Variants in CUX2 observed in about 807,000 individuals in gnomAD.
The protein encoded by CUX2 is homeobox protein cut-like 2.
In CUX2, 40 loss-of-function variants were observed where a neutral mutation model predicts 144.8. That is an observed-to-expected ratio of 0.28 (90% CI 0.21 to 0.36). The LOEUF is 0.36. Ranked by LOEUF, CUX2 falls within the 10% of genes least tolerant of loss-of-function variation. The pLI, the probability that CUX2 is intolerant of heterozygous loss-of-function variation, is 1.00. For synonymous variants in CUX2, 827 were observed against 875.6 expected (o/e 0.94, Z 0.98); for missense variants, 1,615 against 1,994.0 (o/e 0.81, Z 3.62).
Position 111,293,914 on chromosome 12 carries a change from A to G in CUX2, c.560+345A>G, listed in dbSNP as rs1421590786. 6.6e-6 allele frequency among the ~76,000 whole-genome samples: 1 copy of G among 152,260 alleles called. No individual in the cohort carries two copies. Among genetic ancestry groups the G allele is most frequent in the East Asian group, 1.9e-4 (1 of 5,202 alleles). ...GACATGTATTCCTAGGACTTAGCTT[A>G]TGCAGTTGTGGGAGCTGCCAGGTGC... On this transcript the variant is annotated intron_variant, in intron 6 of 21. Coordinates refer to ENST00000261726, the MANE Select transcript of CUX2 (RefSeq NM_015267.4). This position sits in a 1 kb window ranked among gnomAD's most constrained non-coding sequence, Gnocchi z 4.5.
Position 111,061,388 on chromosome 12 carries a change from A to C in CUX2, c.63+27148A>C, listed in dbSNP as rs1225276563. 2.0e-5 allele frequency among the ~76,000 whole-genome samples: 3 copies of C among 152,298 alleles called. No individual in the cohort carries two copies. The East Asian group carries it at 5.8e-4, about 29-fold the overall frequency. On this transcript the variant is annotated intron_variant, in intron 1 of 21. Transcript: ENST00000261726. The surrounding 1 kb of genome is among the most constrained non-coding windows in gnomAD (Gnocchi z 4.2). Reference sequence around the variant, plus strand: ...CGGGATGGGGGAGGAGGAGGGAAGCATGGGCTGTAGAAGGGTTTTCGGGGA... The same window carrying C: ...CGGGATGGGGGAGGAGGAGGGAAGCCTGGGCTGTAGAAGGGTTTTCGGGGA...
chr12:111,271,903 TC>T (rs1285168688), intron 4 of CUX2, among the ~76,000 whole-genome samples: 1 of 152,214 alleles, frequency 6.6e-6, no homozygotes, highest in African/African-American at 2.4e-5. Flanking sequence ...TCATATATTC[TC>T]CCCTGGTTTG....
rs1163815656 is a variant in CUX2, at chr12:111,289,180, C to G, written c.302-2238C>G. Among the ~76,000 whole-genome samples the G allele has an allele frequency of 6.6e-6, 1 of 152,068 alleles. No individual in the cohort carries two copies. The highest frequency in any genetic ancestry group is 1.9e-4 in the East Asian group (1 of 5,198). On this transcript the variant is annotated intron_variant, in intron 4 of 21. Coordinates refer to ENST00000261726, the MANE Select transcript of CUX2 (RefSeq NM_015267.4). This position sits in a 1 kb window ranked among gnomAD's most constrained non-coding sequence, Gnocchi z 4.1. The stretch of plus-strand genomic sequence containing the variant: ...GGGGAGAGACCAGGAAGAGACAGGG[C>G]TTCCATGCATTAGAAAGAACTGAAC...
intron 3 of CUX2, among the ~76,000 whole-genome samples, chr12:111,227,507 T>C (rs1052618378): frequency 2.6e-5 from 4 of 152,194 alleles, no homozygotes; most frequent in African/African-American, 9.7e-5. Context: ...TGCTACCAGC[T>C]GAGCTCTGGA....
intron 3 of CUX2, among the ~76,000 whole-genome samples, chr12:111,257,065 G>C (rs551975865): frequency 6.6e-6 from 1 of 152,090 alleles, no homozygotes; most frequent in South Asian, 2.1e-4. Context: ...GTTCATCCTC[G>C]GGGGACTAAA....
intron 3 of CUX2, among the ~76,000 whole-genome samples, chr12:111,260,314 A>G (rs1884048996): frequency 6.6e-6 from 1 of 151,534 alleles, no homozygotes; most frequent in African/African-American, 2.4e-5. Flanking sequence ...AATACAAAAA[A>G]TTAGCCAGGC....
At chr12:111,239,115 G>A (rs1882898531) in intron 3 of CUX2, among the ~76,000 whole-genome samples, 1 of 152,056 alleles carries the variant, frequency 6.6e-6, no homozygotes, top group South Asian at 2.1e-4. Context: ...CTCAAACGTT[G>A]GCCAAGATCA....
intron 1 of CUX2, among the ~76,000 whole-genome samples, chr12:111,082,309 T>G (rs1422762180): frequency 6.6e-6 from 1 of 151,940 alleles, no homozygotes; most frequent in African/African-American, 2.4e-5. Flanking sequence ...CACAATATAT[T>G]GGAAGGAATA....
chr12:111,088,842 C>T (rs966205260), intron 1 of CUX2, among the ~76,000 whole-genome samples: 6 of 152,172 alleles, frequency 3.9e-5, no homozygotes, highest in Non-Finnish European at 7.4e-5. Flanking sequence ...GATGTCCGAC[C>T]GGGCAGCTGG....
intron 12 of CUX2, 92 bp from the exon 13 acceptor site, chr12:111,308,192 TC>T: frequency 7.3e-7 from 1 of 1,377,912 alleles, no homozygotes; most frequent in East Asian, 2.3e-5. Context: ...GCAGTCATTG[TC>T]AGGGAGGTAA....
At chr12:111,330,730 T>TACAC (rs1565926325) in intron 18 of CUX2, among the ~76,000 whole-genome samples, 1 of 51,586 alleles carries the variant, frequency 1.9e-5, no homozygotes, top group African/African-American at 7.5e-5. Context: ...TATATATATA[T>TACAC]ATATATATAT....
At chr12:111,079,160 C>A (rs1871716073) in intron 1 of CUX2, among the ~76,000 whole-genome samples, 1 of 152,212 alleles carries the variant, frequency 6.6e-6, no homozygotes, top group Non-Finnish European at 1.5e-5. Flanking sequence ...GACAAATTGT[C>A]ATTCACACGT....
chr12:111,049,323 A>T (rs1870154093), intron 1 of CUX2, among the ~76,000 whole-genome samples: 1 of 152,104 alleles, frequency 6.6e-6, no homozygotes, highest in Admixed American at 6.6e-5. Flanking sequence ...TCATCCACCC[A>T]TCCACATATT....
At chr12:111,276,392 G>C (rs953511722) in intron 4 of CUX2, among the ~76,000 whole-genome samples, 5 of 152,146 alleles carry the variant, frequency 3.3e-5, no homozygotes, top group African/African-American at 1.2e-4. Flanking sequence ...GTCACATAGG[G>C]CAGATGTCAA....
chr12:111,275,741 C>A (rs1196345795), intron 4 of CUX2, among the ~76,000 whole-genome samples: 1 of 152,144 alleles, frequency 6.6e-6, no homozygotes, highest in Non-Finnish European at 1.5e-5. Context: ...ACTTTGAACA[C>A]ATTGCAGGAT....
chr12:111,258,849 C>G (rs1883966186), intron 3 of CUX2, among the ~76,000 whole-genome samples: 1 of 152,124 alleles, frequency 6.6e-6, no homozygotes, highest in African/African-American at 2.4e-5. Flanking sequence ...CCACACCTGA[C>G]TAATTTTTTC....
In CUX2 at chr12:111,348,919, C is replaced by G. The variant is rs1425344128; in HGVS notation, c.*594C>G. ...TGAGACACAGCGCAATGCTACTGCCCTTCCAGAAACTGTGCTAAAAAGAGA... is the reference window on the plus strand; with the variant it reads ...TGAGACACAGCGCAATGCTACTGCCGTTCCAGAAACTGTGCTAAAAAGAGA... On this transcript the variant is annotated 3_prime_UTR_variant, in exon 22 of 22. Coordinates refer to ENST00000261726, the MANE Select transcript of CUX2 (RefSeq NM_015267.4). 6.5e-6 allele frequency: 1 copy of G among 152,754 alleles called. No individual in the cohort carries two copies. Among genetic ancestry groups the G allele is most frequent in the African/African-American group, 2.4e-5 (1 of 41,524 alleles). The allele number at this position is 152,754 out of a possible 1,614,324, so 9.5% of individuals were successfully genotyped here.
chr12:111,237,510 T>C (rs1031921244), intron 3 of CUX2, among the ~76,000 whole-genome samples: 1 of 152,202 alleles, frequency 6.6e-6, no homozygotes. Flanking sequence ...CAGTGGGCTG[T>C]CCACGTCCCT....
At chr12:111,091,390 C>T (rs919038674) in intron 1 of CUX2, among the ~76,000 whole-genome samples, 3 of 152,122 alleles carry the variant, frequency 2.0e-5, no homozygotes, top group Non-Finnish European at 2.9e-5. Flanking sequence ...TTGCTGCTGG[C>T]GGAGGTCAAG....
Sources: allele counts gnomAD v4.1 joint callset (sites outside exome capture counted in the v4.1 genomes callset), GRCh38; gene constraint gnomAD v4.1.1; non-coding constraint Gnocchi (gnomAD v3.1); transcripts MANE v1.5; gene names NCBI Gene and HGNC (gene_info 2026-07-23, HGNC 2026-07-21).